DCC: variants seen among roughly 807,000 people sequenced by gnomAD.
DCC encodes the protein netrin receptor DCC.
Under a neutral mutation model 172.5 loss-of-function variants are expected in DCC, and 58 were observed. That is an observed-to-expected ratio of 0.34 (90% confidence interval 0.27 to 0.42). The LOEUF (loss-of-function observed/expected upper bound fraction) is 0.42, where lower values mean the gene tolerates loss of function less well. Among genes scored for constraint, DCC ranks in the 10% least tolerant of loss-of-function variants. DCC has a pLI of 1.00. For synonymous variants in DCC, 709 were observed against 644.5 expected, an observed-to-expected ratio of 1.10 and a Z score of -1.52; for missense variants, 1,740 against 1,791.0, an observed-to-expected ratio of 0.97 and a Z score of 0.51.
intron 12 of DCC, among the ~76,000 whole-genome samples, chr18:53,283,812 C>G (rs907674645): frequency 6.6e-6 from 1 of 152,178 alleles, no homozygotes; most frequent in African/African-American, 2.4e-5. Context: ...CAAATTTTCT[C>G]ATGAACTCTG....
chr18:52,528,626 C>G lies in DCC; in HGVS notation c.91+187748C>G, dbSNP rs112269297. Reference sequence around the variant, plus strand: ...TGATTATCACATTACCCCTCAAGAGCAGGGCTGATCCTCACCCTAAGGTTT... The same window carrying G: ...TGATTATCACATTACCCCTCAAGAGGAGGGCTGATCCTCACCCTAAGGTTT... On this transcript the variant is annotated intron_variant, in intron 1 of 28. Transcript: ENST00000442544. Among the ~76,000 whole-genome samples the G allele has an allele frequency of 4.7e-3, 722 of 152,104 alleles. 4 individuals carry two copies. The highest frequency in any genetic ancestry group is 7.3e-3 in the Non-Finnish European group (494 of 68,000).
At chr18:53,264,494 A>AAG (rs2056647411) in intron 12 of DCC, among the ~76,000 whole-genome samples, 2 of 151,244 alleles carry the variant, frequency 1.3e-5, no homozygotes, top group Non-Finnish European at 2.9e-5. Flanking sequence ...AAAAAAAAAA[A>AAG]AAGAAGAAGA....
chr18:53,257,415 A>G (rs567288374), intron 12 of DCC, among the ~76,000 whole-genome samples: 1 of 152,342 alleles, frequency 6.6e-6, no homozygotes, highest in East Asian at 1.9e-4. Flanking sequence ...GAGAATTTTT[A>G]GCATGAAAGT....
At chr18:52,978,386 T>A (rs895382865) in intron 5 of DCC, among the ~76,000 whole-genome samples, 1 of 151,968 alleles carries the variant, frequency 6.6e-6, no homozygotes, top group Non-Finnish European at 1.5e-5. Flanking sequence ...ACTCTGCAGG[T>A]CAATGGAGAA....
intron 2 of DCC, among the ~76,000 whole-genome samples, chr18:52,825,640 C>G (rs1427457690): frequency 6.6e-6 from 1 of 152,142 alleles, no homozygotes; most frequent in Admixed American, 6.5e-5. Context: ...GTTTCAACAA[C>G]TACACTTCAG....
chr18:53,502,867 A>G lies in DCC; in HGVS notation c.4111+3357A>G, dbSNP rs186621209. Reference sequence around the variant, plus strand: ...TTTTTTTTTAAATTTATTTTATTTTAGGTTCTGGGGTACATGTGCAGGACA... The same window carrying G: ...TTTTTTTTTAAATTTATTTTATTTTGGGTTCTGGGGTACATGTGCAGGACA... On this transcript the variant is annotated intron_variant, in intron 27 of 28. Coordinates refer to ENST00000442544, the MANE Select transcript of DCC (RefSeq NM_005215.4). Among the ~76,000 whole-genome samples the G allele has an allele frequency of 2.6e-5, 4 of 151,656 alleles. No individual in the cohort carries two copies. The East Asian group carries it at 7.8e-4, about 29-fold the overall frequency.
chr18:52,981,256 T>G (rs2041204115), intron 5 of DCC, among the ~76,000 whole-genome samples: 1 of 152,152 alleles, frequency 6.6e-6, no homozygotes, highest in Non-Finnish European at 1.5e-5. Flanking sequence ...ACCTATGAGT[T>G]TATACCCATA....
chr18:52,963,768 G>A (rs2040883537), intron 5 of DCC, among the ~76,000 whole-genome samples: 1 of 151,346 alleles, frequency 6.6e-6, no homozygotes, highest in African/African-American at 2.4e-5. Flanking sequence ...CTTTGGAGCA[G>A]TTACTTATAT....
intron 1 of DCC, among the ~76,000 whole-genome samples, chr18:52,552,806 C>T (rs1273091960): frequency 6.6e-6 from 1 of 150,928 alleles, no homozygotes; most frequent in African/African-American, 2.4e-5. Flanking sequence ...TAGATGTAGG[C>T]TACATGTAAA....
intron 9 of DCC, among the ~76,000 whole-genome samples, chr18:53,189,421 A>G (rs991274831): frequency 1.3e-4 from 20 of 151,546 alleles, no homozygotes; most frequent in African/African-American, 4.8e-4. Context: ...AATTTTATAT[A>G]TATATAAACT....
intron 21 of DCC, among the ~76,000 whole-genome samples, chr18:53,417,682 A>G (rs1488756793): frequency 6.6e-6 from 1 of 152,180 alleles, no homozygotes; most frequent in Non-Finnish European, 1.5e-5. Flanking sequence ...TAATAGAGAA[A>G]AAGATTAAAA....
chr18:53,103,970 C>T (rs552894682), intron 7 of DCC, among the ~76,000 whole-genome samples: 3 of 151,876 alleles, frequency 2.0e-5, no homozygotes, highest in Non-Finnish European at 4.4e-5. Context: ...AAGGGGATTC[C>T]AAAGCACTCT....
intron 7 of DCC, among the ~76,000 whole-genome samples, chr18:53,148,148 A>G (rs1157999688): frequency 6.6e-6 from 1 of 152,322 alleles, no homozygotes; most frequent in Non-Finnish European, 1.5e-5. Context: ...TCTCATAACC[A>G]AAGGAAATTG....
At chr18:52,888,577 A>G (rs553278353) in intron 2 of DCC, among the ~76,000 whole-genome samples, 32 of 152,290 alleles carry the variant, frequency 2.1e-4, no homozygotes, top group African/African-American at 7.7e-4. Flanking sequence ...ACTGGAAATA[A>G]CAAGTATGAA....
chr18:52,347,178 A>T (rs2144233727), intron 1 of DCC, among the ~76,000 whole-genome samples: 1 of 152,314 alleles, frequency 6.6e-6, no homozygotes, highest in East Asian at 1.9e-4. Context: ...ATACAACATT[A>T]TTCTGGGCCA....
intron 12 of DCC, among the ~76,000 whole-genome samples, chr18:53,267,063 A>G (rs1207040549): frequency 1.3e-5 from 2 of 151,742 alleles, no homozygotes; most frequent in African/African-American, 4.8e-5. Context: ...GAGTCATGCA[A>G]TAACACTATG....
intron 11 of DCC, among the ~76,000 whole-genome samples, chr18:53,210,585 T>C (rs966055091): frequency 8.5e-5 from 13 of 152,216 alleles, no homozygotes; most frequent in African/African-American, 3.1e-4. Context: ...AATTTCTGTA[T>C]GCAAAGGCTT....
At chr18:53,232,517 T>G (rs1460160890) in intron 12 of DCC, among the ~76,000 whole-genome samples, 1 of 152,188 alleles carries the variant, frequency 6.6e-6, no homozygotes, top group Non-Finnish European at 1.5e-5. Context: ...CATGCCAGGC[T>G]CTGTCTGACT....
At chr18:53,217,846 A>T (rs1482991217) in intron 12 of DCC, among the ~76,000 whole-genome samples, 1 of 151,568 alleles carries the variant, frequency 6.6e-6, no homozygotes, top group African/African-American at 2.4e-5. Flanking sequence ...GGGTGTTTTT[A>T]TTTTTTTTAT....
Sources: gnomAD v4.1 joint callset for allele counts (sites outside exome capture counted in the v4.1 genomes callset) on GRCh38, gnomAD v4.1.1 for gene constraint, MANE v1.5 for transcripts, NCBI Gene and HGNC (gene_info 2026-07-23, HGNC 2026-07-21) for gene names.